The following CFAP210 variants were observed in gnomAD, a reference collection of about 807,000 sequenced individuals.
CFAP210 encodes cilia and flagella associated protein 210.
chr2:169,646,056 C>A, the CFAP210 span: 1 of 1,613,730 alleles, frequency 6.2e-7, no homozygotes, highest in Non-Finnish European at 8.5e-7. Flanking sequence ...GTTTCCGATT[C>A]AAGTTCAATT....
the CFAP210 span, among the ~76,000 whole-genome samples, chr2:169,666,949 C>A: frequency 2.0e-5 from 3 of 152,070 alleles, no homozygotes; most frequent in Admixed American, 2.0e-4. Context: ...GAGATTGCAG[C>A]AATTCACTCA....
At chr2:169,675,352 A>C in the CFAP210 span, among the ~76,000 whole-genome samples, 23 of 152,334 alleles carry the variant, frequency 1.5e-4, no homozygotes, top group East Asian at 3.9e-3. Context: ...AAAAGATTTA[A>C]TTAGCTCACA....
At chr2:169,654,159 T>TC in the CFAP210 span, 3 of 1,599,428 alleles carry the variant, frequency 1.9e-6, no homozygotes, top group Non-Finnish European at 2.6e-6. Flanking sequence ...TTCATCTTCT[T>TC]CCTCTTGCTG....
chr2:169,660,083 T>A, the CFAP210 span, among the ~76,000 whole-genome samples: 1 of 148,120 alleles, frequency 6.8e-6, no homozygotes, highest in Non-Finnish European at 1.5e-5. Flanking sequence ...TGTTTATCTT[T>A]AAAAAAAAAA....
the CFAP210 span, among the ~76,000 whole-genome samples, chr2:169,646,893 G>C: frequency 6.6e-6 from 1 of 152,038 alleles, no homozygotes; most frequent in Admixed American, 6.5e-5. Flanking sequence ...GGCATTTTAA[G>C]AAATGTTGAG....
the CFAP210 span, among the ~76,000 whole-genome samples, chr2:169,691,394 G>T: frequency 1.6e-3 from 245 of 152,092 alleles, no homozygotes; most frequent in African/African-American, 5.6e-3. Flanking sequence ...ATTTACAAAA[G>T]TTTGTATCTA....
At chr2:169,662,186 A>T in the CFAP210 span, 1 of 1,299,452 alleles carries the variant, frequency 7.7e-7, no homozygotes, top group Non-Finnish European at 1.1e-6. Context: ...TACCACATGT[A>T]CTCCATAAAC....
the CFAP210 span, among the ~76,000 whole-genome samples, chr2:169,653,088 A>ATG: frequency 2.4e-5 from 3 of 126,432 alleles, no homozygotes; most frequent in Non-Finnish European, 4.8e-5. Context: ...ATATATATGT[A>ATG]TGTATATATA....
chr2:169,659,299 T>G, the CFAP210 span: 2 of 152,220 alleles, frequency 1.3e-5, no homozygotes, highest in Non-Finnish European at 2.9e-5. Context: ...CATTCTCAAA[T>G]TACTATAAAG....
chr2:169,679,702 A>AAAAAAAAAAAAAAAAAC, the CFAP210 span, among the ~76,000 whole-genome samples: 1 of 149,700 alleles, frequency 6.7e-6, no homozygotes. Context: ...AAAAAAAAAA[A>AAAAAAAAAAAAAAAAAC]AGGTGCCAGT....
chr2:169,669,762 G>C, the CFAP210 span, among the ~76,000 whole-genome samples: 1 of 143,836 alleles, frequency 7.0e-6, no homozygotes, highest in African/African-American at 2.6e-5. Flanking sequence ...GCGACACAGC[G>C]AGACTCCGTC....
the CFAP210 span, among the ~76,000 whole-genome samples, chr2:169,692,442 A>ACG: frequency 6.4e-3 from 680 of 106,988 alleles, 3 homozygotes; most frequent in Middle Eastern, 0.026. Flanking sequence ...CAACAGGCGC[A>ACG]CGCACACACA....
the CFAP210 span, among the ~76,000 whole-genome samples, chr2:169,693,583 T>C: frequency 6.6e-6 from 1 of 152,252 alleles, no homozygotes; most frequent in African/African-American, 2.4e-5. Context: ...CATGACAACA[T>C]TAATTGCTAA....
the CFAP210 span, among the ~76,000 whole-genome samples, chr2:169,653,054 A>ATATATATGTG: frequency 9.7e-6 from 1 of 102,602 alleles, no homozygotes; most frequent in African/African-American, 3.7e-5. Flanking sequence ...ATATATATAT[A>ATATATATGTG]TATATATATA....
chr2:169,692,189 C>T, the CFAP210 span, among the ~76,000 whole-genome samples: 8 of 152,130 alleles, frequency 5.3e-5, no homozygotes, highest in Non-Finnish European at 8.8e-5. Flanking sequence ...CACTTCCCAA[C>T]TGATCCTTTT....
At chr2:169,674,860 G>A in the CFAP210 span, 1 of 1,504,458 alleles carries the variant, frequency 6.6e-7, no homozygotes, top group African/African-American at 1.4e-5. Flanking sequence ...GAAAACTCAA[G>A]TAGTACATGA....
At chr2:169,680,793 G>A in the CFAP210 span, among the ~76,000 whole-genome samples, 13,327 of 152,114 alleles carry the variant, frequency 0.088, 629 homozygotes, top group Middle Eastern at 0.13. Context: ...TGGTTTTGGG[G>A]TTTATACATA....
chr2:169,660,588 T>A, the CFAP210 span, among the ~76,000 whole-genome samples: 1 of 140,714 alleles, frequency 7.1e-6, no homozygotes, highest in African/African-American at 2.7e-5. Flanking sequence ...GTTGCTTATT[T>A]TATATATATA....
chr2:169,663,524 A>G, the CFAP210 span, among the ~76,000 whole-genome samples: 1 of 151,932 alleles, frequency 6.6e-6, no homozygotes, highest in Non-Finnish European at 1.5e-5. Flanking sequence ...TATGCACCCA[A>G]TCGAGAAAAC....
Sources: allele counts gnomAD v4.1 joint callset (sites outside exome capture counted in the v4.1 genomes callset), GRCh38; gene constraint gnomAD v4.1.1; transcripts MANE v1.5; gene names NCBI Gene and HGNC (gene_info 2026-07-23, HGNC 2026-07-21).